The following DNAH17 variants were observed in gnomAD, a reference collection of about 807,000 sequenced individuals.
DNAH17 encodes dynein axonemal heavy chain 17.
Under a neutral mutation model 485.6 loss-of-function variants are expected in DNAH17, and 376 were observed. The ratio of observed to expected loss-of-function variants is 0.77; its 90% CI spans 0.71 to 0.84. DNAH17 has a LOEUF of 0.84. Ranked by LOEUF, DNAH17 falls within the 40% of genes least tolerant of loss-of-function variation. The probability of loss-of-function intolerance (pLI) is 0.00; values close to 1 mark genes in which losing one functional copy is unlikely to be tolerated. For synonymous variants in DNAH17, 3,031 were observed against 2,405.9 expected (o/e 1.26, Z -7.60); for missense variants, 6,370 against 5,839.3 (o/e 1.09, Z -2.96).
chr17:78,486,365 C>G lies in DNAH17; in HGVS notation c.6960G>C (p.Thr2320=), dbSNP rs142911375. ...FKKITPVPEI[T]VIQTILYLLE... ...GCAGGTACAGAATCGTTTGGATCAC[C>G]GTGATCTCCGGCACTGGCGTGATCT... Residue 2320 remains threonine, a synonymous_variant, in exon 45 of 81, where the codon ACG becomes ACC. Transcript: ENST00000389840. The G allele has an allele frequency of 5.0e-6, 8 of 1,613,726 alleles. No individual in the cohort carries two copies. The highest frequency in any genetic ancestry group is 4.2e-6 in the Non-Finnish European group (5 of 1,179,850).
intron 18 of DNAH17, among the ~76,000 whole-genome samples, chr17:78,539,091 C>T (rs1048482259): frequency 7.9e-5 from 12 of 151,968 alleles, no homozygotes; most frequent in Non-Finnish European, 1.8e-4. Context: ...ATTAGCCAGG[C>T]GTGGTGGCGG....
intron 55 of DNAH17, among the ~76,000 whole-genome samples, chr17:78,467,039 C>A (rs182476383): frequency 1.3e-5 from 2 of 152,354 alleles, no homozygotes; most frequent in Admixed American, 1.3e-4. Context: ...GTCCCAATCC[C>A]TCTGGAAGGG....
intron 20 of DNAH17, 24 bp from the exon 21 acceptor site, chr17:78,530,536 C>CT (rs761112825): frequency 1.3e-6 from 2 of 1,584,338 alleles, no homozygotes; most frequent in South Asian, 2.3e-5. Flanking sequence ...CCACCGGCGG[C>CT]CTGTCATAGC....
intron 75 of DNAH17, among the ~76,000 whole-genome samples, chr17:78,433,233 T>C (rs2086743504): frequency 6.6e-6 from 1 of 152,188 alleles, no homozygotes; most frequent in South Asian, 2.1e-4. Context: ...GAACCGTGCG[T>C]GGTGAGCACT....
intron 48 of DNAH17, among the ~76,000 whole-genome samples, chr17:78,484,410 G>A (rs1007329864): frequency 2.0e-5 from 3 of 152,264 alleles, no homozygotes; most frequent in South Asian, 2.1e-4. Context: ...CCAGCTTCCA[G>A]CTGTGCACCA....
chr17:78,561,827 T>TG lies in DNAH17; in HGVS notation c.1722dup (p.Ile575HisfsTer53). 6.2e-7 allele frequency: 1 copy of TG among 1,613,924 alleles called. No individual in the cohort carries two copies. The highest frequency in any genetic ancestry group is 2.2e-5 in the East Asian group (1 of 44,868). The stretch of plus-strand genomic sequence containing the variant: ...GGCATGTTTTTGTGGATCAGGGGGA[T>TG]GTTCCCCTCCTCGGAGGCCGCCATC... On this transcript the variant is annotated frameshift_variant, in exon 12 of 81. Coordinates refer to ENST00000389840, the MANE Select transcript of DNAH17 (RefSeq NM_173628.4). LOFTEE classifies it high-confidence loss of function.
intron 31 of DNAH17, among the ~76,000 whole-genome samples, chr17:78,504,451 G>A (rs764522521): frequency 1.4e-5 from 2 of 147,212 alleles, no homozygotes; most frequent in Admixed American, 7.0e-5. Context: ...CCCAGGAAGC[G>A]AATCTAGACA....
intron 72 of DNAH17, 31 bp downstream of exon 72, chr17:78,441,020 T>A (rs1450058259): frequency 6.4e-7 from 1 of 1,555,464 alleles, no homozygotes; most frequent in East Asian, 2.4e-5. Context: ...ATACTCCGTC[T>A]TTGAGAACAT....
rs754933256 is a variant in DNAH17 at position 78,514,913 on chromosome 17, T to C, written c.3974A>G (p.Lys1325Arg). 2 of 1,614,052 alleles carry C rather than the reference T, an allele frequency of 1.2e-6. No homozygotes were observed. The highest frequency in any genetic ancestry group is 1.7e-6 in the Non-Finnish European group (2 of 1,179,900). Residue 1325 changes from lysine to arginine, a missense_variant, in exon 26 of 81, where the codon AAG (lysine) becomes AGG (arginine). Physicochemically the swap from Lys to Arg is conservative, Grantham distance 26. Transcript: ENST00000389840. ...KFAKDMRSLDKEMKTWDAFVG... is the reference protein window; with the variant it reads ...KFAKDMRSLDREMKTWDAFVG... The stretch of plus-strand genomic sequence containing the variant: ...GAAGGCATCCCAGGTTTTCATCTCC[T>C]TGTCCAAAGACCTCATGTCCTTGGC...
chr17:78,552,471 G>GA (rs1333410872), intron 15 of DNAH17, among the ~76,000 whole-genome samples: 2 of 152,010 alleles, frequency 1.3e-5, no homozygotes, highest in African/African-American at 4.8e-5. Context: ...CAGTTCCCAG[G>GA]GAGTCTTTGC....
chr17:78,541,589 C>T (rs1329787070), intron 17 of DNAH17, among the ~76,000 whole-genome samples: 10 of 152,076 alleles, frequency 6.6e-5, no homozygotes, highest in Middle Eastern at 3.4e-3. Context: ...AGTAGCCATA[C>T]GTGGTGACAG....
chr17:78,426,221 A>T (rs2086451462), intron 79 of DNAH17, among the ~76,000 whole-genome samples: 1 of 148,142 alleles, frequency 6.8e-6, no homozygotes, highest in South Asian at 2.1e-4. Flanking sequence ...CTTGAGGAGG[A>T]GCTGATGGAA....
rs777819763 is a variant in DNAH17, at chr17:78,459,037, T to G, written c.9825A>C (p.Ala3275=). The G allele has an allele frequency of 6.2e-7, 1 of 1,614,050 alleles. No homozygotes were observed. Among genetic ancestry groups the G allele is most frequent in the Admixed American group, 1.7e-5 (1 of 60,036 alleles). ...TTTTGATCCGGGACAGCTTCTCTTG[T>G]GCCTCTGCCAGCTCTGCATTAGCCT... ...LEEANAELAE[A]QEKLSRIKNK... is the part of the protein sequence containing the mutation. Residue 3275 remains alanine, a synonymous_variant, in exon 61 of 81, where the codon GCA becomes GCC. Transcript: ENST00000389840.
chr17:78,458,539 G>A (rs754615967), intron 62 of DNAH17, 26 bp downstream of exon 62: 1 of 1,582,570 alleles, frequency 6.3e-7, no homozygotes, highest in Non-Finnish European at 8.7e-7. Context: ...GAGAGCAGGA[G>A]GGTGGTCTCG....
chr17:78,460,043 C>T lies in DNAH17; in HGVS notation c.9436-42G>A, dbSNP rs141464671. 7.0e-5 allele frequency: 113 copies of T among 1,607,142 alleles called. 2 individuals carry two copies. The East Asian group carries it at 8.5e-4, about 12-fold the overall frequency. On this transcript the variant is annotated intron_variant, in intron 59 of 80. Transcript: ENST00000389840. ...GGATGGGTCCGATGGGAGTTTGGACCGGGTCCTCGGTGATGCCCCGAAGAA... is the reference window on the plus strand; with the variant it reads ...GGATGGGTCCGATGGGAGTTTGGACTGGGTCCTCGGTGATGCCCCGAAGAA...
rs190771554 is a variant in DNAH17 at position 78,536,162 on chromosome 17, G to A, written c.2859+1137C>T. On this transcript the variant is annotated intron_variant, in intron 19 of 80. Coordinates refer to ENST00000389840, the MANE Select transcript of DNAH17 (RefSeq NM_173628.4). ...GTGTTTACATTACAGGACTGAGGCC[G>A]GGCACGGTGGCTCACACCTGTAATC... is the stretch of plus-strand genomic sequence containing the variant. Among the ~76,000 whole-genome samples the A allele has an allele frequency of 9.2e-4, 140 of 152,226 alleles. 1 individual carries two copies. The highest frequency in any genetic ancestry group is 3.3e-3 in the African/African-American group (135 of 41,538).
intron 51 of DNAH17, chr17:78,478,811 TCAC>T: frequency 1.9e-6 from 1 of 532,574 alleles, no homozygotes; most frequent in Admixed American, 3.6e-5. Flanking sequence ...ACCACCATCA[TCAC>T]ATCACCATCA....
rs535726578 is a variant in DNAH17 at position 78,569,507 on chromosome 17, C to T, written c.1065G>A (p.Pro355=). 29 of 1,608,062 alleles carry T rather than the reference C, an allele frequency of 1.8e-5. No individual in the cohort carries two copies. Among genetic ancestry groups the T allele is most frequent in the South Asian group, 5.6e-5 (5 of 89,764 alleles). Residue 355 remains proline, a synonymous_variant, in exon 8 of 81, where the codon CCG becomes CCA. Coordinates refer to ENST00000389840, the MANE Select transcript of DNAH17 (RefSeq NM_173628.4). ...CTTGCAGGCCCTTCAGCACCTCTTC[C>T]GGGCTCAGGAAGGTTCGTGTCTGGG... ...IIEMTRTFLS[P]EEVLKGLQGE... is the part of the protein sequence containing the mutation.
chr17:78,527,836 T>C (rs559139468), intron 22 of DNAH17, among the ~76,000 whole-genome samples: 97 of 152,278 alleles, frequency 6.4e-4, no homozygotes, highest in Admixed American at 1.6e-3. Context: ...TGGAGTGCAG[T>C]GGTGCGATCT....
Sources: gnomAD v4.1 joint callset for allele counts (sites outside exome capture counted in the v4.1 genomes callset) on GRCh38, gnomAD v4.1.1 for gene constraint, MANE v1.5 for transcripts, NCBI Gene and HGNC (gene_info 2026-07-23, HGNC 2026-07-21) for gene names.